Variants in GRIN1 observed in about 807,000 individuals in gnomAD.
GRIN1 encodes the protein glutamate ionotropic receptor NMDA type subunit 1.
In GRIN1, 38 loss-of-function variants were observed where a neutral mutation model predicts 103.0. That is an observed-to-expected ratio of 0.37 (90% CI 0.28 to 0.48). The LOEUF is 0.48. GRIN1 is among the 20% of genes least tolerant of loss of function. The probability of loss-of-function intolerance (pLI) is 0.98; values close to 1 mark genes in which losing one functional copy is unlikely to be tolerated. For synonymous variants in GRIN1, 544 were observed against 532.7 expected, an observed-to-expected ratio of 1.02 and a Z score of -0.29; for missense variants, 577 against 1,288.9, an observed-to-expected ratio of 0.45 and a Z score of 8.46.
At position 137,139,587 on chromosome 9, in the gene GRIN1, G is replaced by C; in HGVS notation, c.101G>C (p.Ser34Thr). 1 of 1,613,532 alleles carries C rather than the reference G, an allele frequency of 6.2e-7. No individual in the cohort carries two copies. The highest frequency in any genetic ancestry group is 8.5e-7 in the Non-Finnish European group (1 of 1,179,946). The change falls in exon 1 of 20, where the codon AGC (serine) becomes ACC (threonine). Residue 34 changes from serine to threonine, a missense_variant. Ser to Thr is a moderately conservative substitution (Grantham distance 58, BLOSUM62 1). Around this residue, in one of 9 missense-constraint regions of GRIN1, gnomAD observed 308 missense variants for 553.6 expected, o/e 0.56. Coordinates refer to ENST00000371561, the MANE Select transcript of GRIN1 (RefSeq NM_007327.4). The surrounding 1 kb of genome is among the most constrained non-coding windows in gnomAD (Gnocchi z 7.7). Reference sequence around the variant, plus strand: ...ATCGTCAACATTGGCGCGGTGCTGAGCACGCGGAAGCACGAGCAGATGTTC... The same window carrying C: ...ATCGTCAACATTGGCGCGGTGCTGACCACGCGGAAGCACGAGCAGATGTTC... ...PKIVNIGAVLSTRKHEQMFRE... is the reference protein window; with the variant it reads ...PKIVNIGAVLTTRKHEQMFRE...
Position 137,167,703 on chromosome 9 carries a change from C to T in GRIN1, c.*176C>T. On this transcript the variant is annotated 3_prime_UTR_variant, in exon 20 of 20. Transcript: ENST00000371561. ...CGGTTGGCCGGCTGGCCGGTCCACC[C>T]CGTCCCGGCCCCGCGCGTGCCCCCA... The T allele has an allele frequency of 6.2e-7, 1 of 1,602,050 alleles. No homozygotes were observed. The highest frequency in any genetic ancestry group is 8.5e-7 in the Non-Finnish European group (1 of 1,174,476).
At chr9:137,157,288 G>T (rs1296715506) in intron 6 of GRIN1, among the ~76,000 whole-genome samples, 1 of 152,286 alleles carries the variant, frequency 6.6e-6, no homozygotes. Context: ...GCTCTCAGGG[G>T]TACTGCAGTG....
At chr9:137,140,317 G>T (rs909322271) in intron 1 of GRIN1, among the ~76,000 whole-genome samples, 6 of 152,206 alleles carry the variant, frequency 3.9e-5, no homozygotes, top group Admixed American at 1.3e-4. Context: ...GGGGGAGGAC[G>T]TGGCTCCTGG....
rs1029730939 is a variant in GRIN1, at chr9:137,139,998, T to C, written c.258+254T>C. On this transcript the variant is annotated intron_variant, in intron 1 of 19. Coordinates refer to ENST00000371561, the MANE Select transcript of GRIN1 (RefSeq NM_007327.4). This position sits in a 1 kb window ranked among gnomAD's most constrained non-coding sequence, Gnocchi z 7.7. Reference sequence around the variant, plus strand: ...AGAGGGCCCCTGGGGCTCCAGGCCCTGACTGGTGTGTGTAGACGTGGGGCT... The same window carrying C: ...AGAGGGCCCCTGGGGCTCCAGGCCCCGACTGGTGTGTGTAGACGTGGGGCT... 2.0e-5 allele frequency among the ~76,000 whole-genome samples: 3 copies of C among 152,098 alleles called. No homozygotes were observed. In the South Asian group the frequency reaches 6.2e-4, roughly 32 times the overall value.
chr9:137,151,015 T>G (rs1256114906), intron 4 of GRIN1, among the ~76,000 whole-genome samples: 3 of 26,752 alleles, frequency 1.1e-4, no homozygotes, highest in Non-Finnish European at 2.1e-4. Flanking sequence ...TCTGCCCAGA[T>G]AAAAGACCCG....
intron 2 of GRIN1, among the ~76,000 whole-genome samples, chr9:137,143,864 T>C (rs1832310632): frequency 6.6e-6 from 1 of 152,158 alleles, no homozygotes; most frequent in South Asian, 2.1e-4. Context: ...AGGGCTTACC[T>C]GGACAGACAC....
chr9:137,139,291 G>A lies in GRIN1; in HGVS notation c.-196G>A, dbSNP rs2131185151. 1 of 225,164 alleles carries A rather than the reference G, an allele frequency of 4.4e-6. No individual in the cohort carries two copies. The highest frequency in any genetic ancestry group is 1.6e-4 in the South Asian group (1 of 6,064). The allele number at this position is 225,164 out of a possible 1,614,324, so 13.9% of individuals were successfully genotyped here. On this transcript the variant is annotated 5_prime_UTR_variant, in exon 1 of 20. Coordinates refer to ENST00000371561, the MANE Select transcript of GRIN1 (RefSeq NM_007327.4). This position sits in a 1 kb window ranked among gnomAD's most constrained non-coding sequence, Gnocchi z 7.7. The stretch of plus-strand genomic sequence containing the variant: ...ACCGCGGACAGCGCCGGCCGCGTGG[G>A]GCTGAGCCCCGAGCCCCCGCGCACG...
chr9:137,165,330 C>T (rs1359213680), intron 19 of GRIN1, 34 bp downstream of exon 19: 3 of 1,290,622 alleles, frequency 2.3e-6, no homozygotes, highest in African/African-American at 2.9e-5. Context: ...CCGCGTCCGA[C>T]TCCACCTGCC....
intron 2 of GRIN1, among the ~76,000 whole-genome samples, chr9:137,142,674 G>A (rs1832241259): frequency 6.6e-6 from 1 of 152,218 alleles, no homozygotes; most frequent in African/African-American, 2.4e-5. Flanking sequence ...TAGACAGGTG[G>A]ACTTTGAAGG....
chr9:137,168,023 C>A lies in GRIN1; in HGVS notation c.*496C>A, dbSNP rs1833971155. The A allele has an allele frequency of 1.5e-6, 1 of 671,892 alleles. No individual in the cohort carries two copies. Among genetic ancestry groups the A allele is most frequent in the Non-Finnish European group, 2.6e-6 (1 of 377,756 alleles). The allele number at this position is 671,892 out of a possible 1,614,324, so 41.6% of individuals were successfully genotyped here. A position where few individuals can be genotyped will look rare whatever the true frequency, so the allele number is the denominator to read the frequency against. On this transcript the variant is annotated 3_prime_UTR_variant, in exon 20 of 20. Transcript: ENST00000371561. ...GCCCCTGCTGGACCAAGGTGCGGAC[C>A]GGAGCGGCTGAGGACGGGGCAGAGC... is the stretch of plus-strand genomic sequence containing the variant.
rs1041219420 is a variant in GRIN1 at position 137,146,479 on chromosome 9, C to T, written c.570+577C>T. On this transcript the variant is annotated intron_variant, in intron 3 of 19. Transcript: ENST00000371561. The surrounding 1 kb of genome is among the most constrained non-coding windows in gnomAD (Gnocchi z 6.7). Reference sequence around the variant, plus strand: ...TGGGCTCCACTCCCCTCCTTGCCCCCACCACAGGGCTCCCTCTGCACTCCT... The same window carrying T: ...TGGGCTCCACTCCCCTCCTTGCCCCTACCACAGGGCTCCCTCTGCACTCCT... Among the ~76,000 whole-genome samples, 2 of 152,188 alleles carry T rather than the reference C, an allele frequency of 1.3e-5. No homozygotes were observed. The highest frequency in any genetic ancestry group is 4.8e-5 in the African/African-American group (2 of 41,438).
intron 4 of GRIN1, among the ~76,000 whole-genome samples, chr9:137,152,246 T>A (rs1394642585): frequency 1.3e-5 from 2 of 152,178 alleles, no homozygotes; most frequent in African/African-American, 4.8e-5. Context: ...TGTTTACACT[T>A]CCCTTACTCA....
Position 137,168,701 on chromosome 9 carries a change from GC to G in GRIN1, c.*1177del. The G allele has an allele frequency of 1.7e-6, 1 of 580,312 alleles. No individual in the cohort carries two copies. The highest frequency in any genetic ancestry group is 2.5e-6 in the Non-Finnish European group (1 of 405,170). 35.9% of individuals were successfully genotyped at this position (580,312 alleles called of 1,614,324 possible). On this transcript the variant is annotated 3_prime_UTR_variant, in exon 20 of 20. Coordinates refer to ENST00000371561, the MANE Select transcript of GRIN1 (RefSeq NM_007327.4). ...CGTCCCCAGGGTGCAGGCGCGCACC[GC>G]CCAACCCCCACCTCCCGGTGTATGC...
chr9:137,139,340 G>A lies in GRIN1; in HGVS notation c.-147G>A, dbSNP rs1363644878. 5.4e-6 allele frequency: 2 copies of A among 369,378 alleles called. No homozygotes were observed. The highest frequency in any genetic ancestry group is 8.7e-6 in the Non-Finnish European group (2 of 230,062). The allele number at this position is 369,378 out of a possible 1,614,324, so 22.9% of individuals were successfully genotyped here. On this transcript the variant is annotated 5_prime_UTR_variant, in exon 1 of 20. Transcript: ENST00000371561. The surrounding 1 kb of genome is among the most constrained non-coding windows in gnomAD (Gnocchi z 7.7). ...CGCTTCAGCGCCCCTTCCCTCGGCC[G>A]ACGTCCCGGGACCGCCGCTCCGGGG... is the stretch of plus-strand genomic sequence containing the variant.
chr9:137,139,236 G>T lies in GRIN1; in HGVS notation c.-251G>T, dbSNP rs1302936598. On this transcript the variant is annotated 5_prime_UTR_variant, in exon 1 of 20. Coordinates refer to ENST00000371561, the MANE Select transcript of GRIN1 (RefSeq NM_007327.4). This position sits in a 1 kb window ranked among gnomAD's most constrained non-coding sequence, Gnocchi z 7.7. ...CCGCCGGGCCCTTTCCAAGCCGGGC[G>T]CTCGGAGCTGTGCCCGGCCCCGCTT... is the stretch of plus-strand genomic sequence containing the variant. The T allele has an allele frequency of 3.5e-5, 6 of 171,486 alleles. No individual in the cohort carries two copies. Among genetic ancestry groups the T allele is most frequent in the African/African-American group, 9.6e-5 (4 of 41,786 alleles). The allele number at this position is 171,486 out of a possible 1,614,324, so 10.6% of individuals were successfully genotyped here.
chr9:137,161,032 G>A, intron 8 of GRIN1, 24 bp from the exon 9 acceptor site: 1 of 1,612,330 alleles, frequency 6.2e-7, no homozygotes, highest in East Asian at 2.2e-5. Context: ...GGTGGTCCAG[G>A]CTGGGTCTCC....
At chr9:137,152,514 T>C (rs565271258) in intron 4 of GRIN1, among the ~76,000 whole-genome samples, 1 of 152,182 alleles carries the variant, frequency 6.6e-6, no homozygotes, top group Admixed American at 6.5e-5. Flanking sequence ...GAAAACCACA[T>C]ACAAAACCAA....
At chr9:137,161,732 G>A (rs1336818450) in intron 10 of GRIN1, among the ~76,000 whole-genome samples, 192 bp from the exon 11 acceptor site, 1 of 150,466 alleles carries the variant, frequency 6.6e-6, no homozygotes, top group Non-Finnish European at 1.5e-5. Context: ...CCTGCTGGCT[G>A]TGGTGGGGCC....
chr9:137,162,937 T>G lies in GRIN1; in HGVS notation c.2105T>G (p.Met702Arg). ...CGGCGCCAGGTGGAGCTGAGCACCA[T>G]GTACCGGCATATGGAGAAGCACAAC... Reference protein sequence around the residue: ...YFRRQVELSTMYRHMEKHNYE... With the variant: ...YFRRQVELSTRYRHMEKHNYE... The change falls in exon 15 of 20, where the codon ATG (methionine) becomes AGG (arginine). Residue 702 changes from methionine (M) to arginine (R), a missense_variant. This residue lies in a region of GRIN1 where 59 missense variants were observed against 161.3 expected (regional missense o/e 0.37). Coordinates refer to ENST00000371561, the MANE Select transcript of GRIN1 (RefSeq NM_007327.4). The G allele has an allele frequency of 6.2e-7, 1 of 1,609,930 alleles. No individual in the cohort carries two copies. Among genetic ancestry groups the G allele is most frequent in the Non-Finnish European group, 8.5e-7 (1 of 1,178,828 alleles).
Sources: allele counts gnomAD v4.1 joint callset (sites outside exome capture counted in the v4.1 genomes callset), GRCh38; gene constraint gnomAD v4.1.1; regional missense constraint gnomAD v4.1.1; non-coding constraint Gnocchi (gnomAD v3.1); transcripts MANE v1.5; gene names NCBI Gene and HGNC (gene_info 2026-07-23, HGNC 2026-07-21).